The following TMOD1 variants were observed in gnomAD, a reference collection of about 807,000 sequenced individuals.
TMOD1 encodes the protein tropomodulin-1.
Under a neutral mutation model 40.6 loss-of-function variants are expected in TMOD1, and 17 were observed. The observed-to-expected ratio is 0.42, with a 90% CI of 0.29 to 0.63. The LOEUF (loss-of-function observed/expected upper bound fraction) is 0.63. TMOD1 is among the 20% of genes least tolerant of loss of function. The probability of loss-of-function intolerance (pLI) is 0.22; values close to 1 mark genes in which losing one functional copy is unlikely to be tolerated. For synonymous variants in TMOD1, 181 were observed against 175.0 expected, an observed-to-expected ratio of 1.03 and a Z score of -0.27; for missense variants, 391 against 447.6, an observed-to-expected ratio of 0.87 and a Z score of 1.14.
At chr9:97,574,116 C>A (rs1283214741) in intron 8 of TMOD1, among the ~76,000 whole-genome samples, 1 of 152,214 alleles carries the variant, frequency 6.6e-6, no homozygotes, top group African/African-American at 2.4e-5. Flanking sequence ...CCCACTCTGG[C>A]CGCGCTTGTG....
At chr9:97,578,667 A>G (rs1365875480) in intron 8 of TMOD1, among the ~76,000 whole-genome samples, 1 of 152,166 alleles carries the variant, frequency 6.6e-6, no homozygotes, top group Non-Finnish European at 1.5e-5. Context: ...TGGATTCAGT[A>G]TACTCATCTC....
intron 2 of TMOD1, among the ~76,000 whole-genome samples, chr9:97,542,568 G>C (rs1351338037): frequency 6.6e-6 from 1 of 152,078 alleles, no homozygotes; most frequent in Non-Finnish European, 1.5e-5. Flanking sequence ...AAGGAAATTT[G>C]GTGGCTGGGC....
intron 2 of TMOD1, among the ~76,000 whole-genome samples, chr9:97,525,769 T>G (rs1011251998): frequency 2.0e-5 from 3 of 152,242 alleles, no homozygotes; most frequent in Non-Finnish European, 2.9e-5. Context: ...GTAACTCCCT[T>G]CTTTGCTCAT....
intron 8 of TMOD1, among the ~76,000 whole-genome samples, chr9:97,574,332 G>A (rs1185590942): frequency 1.3e-5 from 2 of 152,090 alleles, no homozygotes; most frequent in African/African-American, 4.8e-5. Flanking sequence ...CGACCCCGCC[G>A]GCTCCGGGCA....
intron 2 of TMOD1, among the ~76,000 whole-genome samples, chr9:97,530,949 G>A (rs1341619131): frequency 2.0e-5 from 3 of 150,230 alleles, no homozygotes; most frequent in Non-Finnish European, 3.0e-5. Flanking sequence ...CACCATGCCC[G>A]GCTAATTTTT....
At chr9:97,551,348 T>C (rs562479607) in intron 3 of TMOD1, among the ~76,000 whole-genome samples, 6 of 152,268 alleles carry the variant, frequency 3.9e-5, no homozygotes, top group South Asian at 4.1e-4. Flanking sequence ...TTAACTTATA[T>C]TTAAGTCATT....
chr9:97,529,049 G>A (rs778557521), intron 2 of TMOD1, among the ~76,000 whole-genome samples: 23 of 152,360 alleles, frequency 1.5e-4, no homozygotes, highest in Non-Finnish European at 2.5e-4. Context: ...ACAACTAGGC[G>A]ATGGCAGAGC....
At chr9:97,554,471 T>G (rs1830504660) in intron 4 of TMOD1, among the ~76,000 whole-genome samples, 1 of 150,890 alleles carries the variant, frequency 6.6e-6, no homozygotes, top group South Asian at 2.1e-4. Flanking sequence ...CCATTCAAGA[T>G]AGAGATTTGG....
chr9:97,544,530 T>A (rs1259668121), intron 2 of TMOD1, among the ~76,000 whole-genome samples: 1 of 151,142 alleles, frequency 6.6e-6, no homozygotes, highest in East Asian at 1.9e-4. Flanking sequence ...AGAAAGACTC[T>A]GTCTCAAAAA....
chr9:97,594,496 C>T (rs1026808128), intron 9 of TMOD1, among the ~76,000 whole-genome samples: 2 of 152,180 alleles, frequency 1.3e-5, no homozygotes, highest in African/African-American at 2.4e-5. Context: ...CAGCAGGGAG[C>T]GCAGATTGGG....
chr9:97,543,643 T>C (rs1422095534), intron 2 of TMOD1, among the ~76,000 whole-genome samples: 4 of 152,338 alleles, frequency 2.6e-5, no homozygotes, highest in African/African-American at 9.6e-5. Flanking sequence ...TTAAGCCTGA[T>C]GTAGGGTCAA....
intron 2 of TMOD1, among the ~76,000 whole-genome samples, chr9:97,537,201 G>C (rs745989947): frequency 6.6e-6 from 1 of 152,160 alleles, no homozygotes; most frequent in African/African-American, 2.4e-5. Context: ...TTATATTTCC[G>C]AGCTGCCAGG....
intron 6 of TMOD1, among the ~76,000 whole-genome samples, chr9:97,565,636 T>C (rs751548164): frequency 1.5e-4 from 23 of 152,220 alleles, no homozygotes; most frequent in Non-Finnish European, 2.9e-4. Context: ...ACAGGTCTTA[T>C]CTGAAATTTT....
intron 8 of TMOD1, among the ~76,000 whole-genome samples, chr9:97,583,668 A>G (rs1825806297): frequency 7.5e-6 from 1 of 133,994 alleles, no homozygotes; most frequent in Non-Finnish European, 1.6e-5. Flanking sequence ...GATTATTGCC[A>G]CAATTTCAGC....
Position 97,601,169 on chromosome 9 carries a change from AT to A in TMOD1, c.*1474del, listed in dbSNP as rs1826250029. 1 of 1,300,514 alleles carries A rather than the reference AT, an allele frequency of 7.7e-7. No individual in the cohort carries two copies. The highest frequency in any genetic ancestry group is 1.0e-6 in the Non-Finnish European group (1 of 987,604). 80.6% of individuals were successfully genotyped at this position (1,300,514 alleles called of 1,614,324 possible). ...CCATGTTGCAGGGACAACCATCCCC[AT>A]TTGGCTTCTCCTTAAAACACAATTG... On this transcript the variant is annotated 3_prime_UTR_variant, in exon 10 of 10. Transcript: ENST00000259365.
intron 2 of TMOD1, among the ~76,000 whole-genome samples, chr9:97,530,823 T>C (rs533825582): frequency 6.9e-6 from 1 of 144,128 alleles, no homozygotes; most frequent in Admixed American, 7.1e-5. Flanking sequence ...GTTTCACTGT[T>C]GTTGCCCAGA....
chr9:97,591,035 C>G (rs907946386), intron 8 of TMOD1, among the ~76,000 whole-genome samples: 3 of 152,162 alleles, frequency 2.0e-5, no homozygotes, highest in African/African-American at 7.2e-5. Context: ...GGCACCTGCT[C>G]AGAGAGAGGC....
chr9:97,533,710 C>A (rs1245277735), intron 2 of TMOD1, among the ~76,000 whole-genome samples: 1 of 152,230 alleles, frequency 6.6e-6, no homozygotes, highest in Non-Finnish European at 1.5e-5. Flanking sequence ...CCTCATTTTA[C>A]AGATGGGGGA....
At chr9:97,538,412 C>T (rs1830219685) in intron 2 of TMOD1, among the ~76,000 whole-genome samples, 2 of 152,036 alleles carry the variant, frequency 1.3e-5, no homozygotes, top group African/African-American at 4.8e-5. Flanking sequence ...CAGTGCCTCT[C>T]ATGAATTGAC....
Sources: allele counts gnomAD v4.1 joint callset (sites outside exome capture counted in the v4.1 genomes callset), GRCh38; gene constraint gnomAD v4.1.1; transcripts MANE v1.5; gene names NCBI Gene and HGNC (gene_info 2026-07-23, HGNC 2026-07-21).